The following HYDIN variants were observed in gnomAD, a reference collection of about 807,000 sequenced individuals.
The protein encoded by HYDIN is HYDIN axonemal central pair apparatus protein, also known as axonemal central pair apparatus protein HYDIN.
In HYDIN, 132 loss-of-function variants were observed where a neutral mutation model predicts 403.9. That is an observed-to-expected ratio of 0.33 (90% CI 0.28 to 0.38). The LOEUF is 0.38. Ranked by LOEUF, HYDIN falls within the 10% of genes least tolerant of loss-of-function variation. The probability of loss-of-function intolerance (pLI) is 1.00; values close to 1 mark genes in which losing one functional copy is unlikely to be tolerated. For synonymous variants in HYDIN, 1,202 were observed against 1,891.7 expected, an observed-to-expected ratio of 0.64 and a Z score of 9.46; for missense variants, 2,827 against 5,009.5, an observed-to-expected ratio of 0.56 and a Z score of 13.15.
At chr16:71,064,626 C>A (rs2082194150) in intron 16 of HYDIN, 79 bp downstream of exon 16, 1 of 1,333,478 alleles carries the variant, frequency 7.5e-7, no homozygotes, top group South Asian at 1.4e-5. Context: ...GAATGTGGCA[C>A]TTCAGAGGGA....
chr16:71,066,130 T>C (rs938146302), intron 15 of HYDIN, among the ~76,000 whole-genome samples: 7 of 152,126 alleles, frequency 4.6e-5, no homozygotes, highest in African/African-American at 1.7e-4. Context: ...TTTTTTAATT[T>C]AGAATTTCCT....
chr16:70,878,753 T>C (rs1345300594), intron 62 of HYDIN, among the ~76,000 whole-genome samples: 1 of 141,804 alleles, frequency 7.1e-6, no homozygotes, highest in East Asian at 2.0e-4. Context: ...GAAACCCAAC[T>C]CCTACAATGA....
Position 70,845,823 on chromosome 16 carries a change from T to G in HYDIN, c.12873+3903A>C, listed in dbSNP as rs868852586. Among the ~76,000 whole-genome samples the G allele has an allele frequency of 2.3e-4, 32 of 136,398 alleles. 2 individuals carry two copies. Among genetic ancestry groups the G allele is most frequent in the Middle Eastern group, 3.7e-3 (1 of 270 alleles). 89.5% of individuals were successfully genotyped at this position (136,398 alleles called of 152,430 possible). On this transcript the variant is annotated intron_variant, in intron 75 of 85. Coordinates refer to ENST00000393567, the MANE Select transcript of HYDIN (RefSeq NM_001270974.2). ...ATTTCTTCTAGATTTTCTAGTTTAT[T>G]TGCGTAGAGGTGTTTGTAGTATTCT...
chr16:71,062,409 T>A (rs1415790571), intron 16 of HYDIN, 76 bp from the exon 17 acceptor site: 2 of 1,253,128 alleles, frequency 1.6e-6, no homozygotes, highest in Non-Finnish European at 2.2e-6. Flanking sequence ...TTTGAAGTGT[T>A]TTCCTGAGTC....
At chr16:70,932,071 T>C (rs1477112284) in intron 45 of HYDIN, among the ~76,000 whole-genome samples, 1 of 134,848 alleles carries the variant, frequency 7.4e-6, no homozygotes, top group Non-Finnish European at 1.6e-5. Context: ...AAAAAAGTGA[T>C]TGGCCAGGCG....
chr16:71,041,347 A>T (rs2081280606), intron 18 of HYDIN, among the ~76,000 whole-genome samples: 1 of 151,210 alleles, frequency 6.6e-6, no homozygotes, highest in East Asian at 1.9e-4. Context: ...TTTTAGTTAC[A>T]TACATGTCAT....
chr16:70,995,141 G>A (rs1001959669), intron 23 of HYDIN, among the ~76,000 whole-genome samples: 3 of 152,164 alleles, frequency 2.0e-5, no homozygotes, highest in Non-Finnish European at 4.4e-5. Flanking sequence ...AACATTTACT[G>A]TAATGAGGAC....
chr16:70,804,425 T>G lies in HYDIN; in HGVS notation c.*3155A>C, dbSNP rs886393371. Reference sequence around the variant, plus strand: ...TCAAATCCATCTCCCGGAAGAGTTCTGGACTGGGGTTTTTAAGGGGATCCT... The same window carrying G: ...TCAAATCCATCTCCCGGAAGAGTTCGGGACTGGGGTTTTTAAGGGGATCCT... On this transcript the variant is annotated 3_prime_UTR_variant, in exon 86 of 86. Transcript: ENST00000393567. Among the ~76,000 whole-genome samples the G allele has an allele frequency of 6.6e-6, 1 of 152,182 alleles. No individual in the cohort carries two copies. Among genetic ancestry groups the G allele is most frequent in the Non-Finnish European group, 1.5e-5 (1 of 68,038 alleles).
chr16:70,915,726 GT>G (rs1363565695), intron 47 of HYDIN, among the ~76,000 whole-genome samples: 1 of 138,298 alleles, frequency 7.2e-6, no homozygotes, highest in African/African-American at 2.6e-5. Context: ...TGCCCTTTGT[GT>G]TCAGGTACCA....
chr16:71,224,914 T>C (rs1319888155), intron 1 of HYDIN, among the ~76,000 whole-genome samples: 1 of 152,178 alleles, frequency 6.6e-6, no homozygotes, highest in Non-Finnish European at 1.5e-5. Context: ...AGAAGGGAAA[T>C]GGCCTCTCAT....
In HYDIN at chr16:70,974,010, C is replaced by T; in HGVS notation, c.5048G>A (p.Gly1683Glu). ...TTGGAGACAGATGTGAACTGTTGGC[C>T]CTCCAACCACCTAGAGAGGGTATAA... ...EVILPIKVVG[G>E]PTVHICLQAK... The change falls in exon 34 of 86, where the codon GGG (glycine) becomes GAG (glutamate). Residue 1683 changes from glycine to glutamate, a missense_variant. Gly to Glu is a moderately conservative substitution (Grantham distance 98, BLOSUM62 -2). Transcript: ENST00000393567. The T allele has an allele frequency of 1.3e-6, 1 of 755,928 alleles. No homozygotes were observed. The highest frequency in any genetic ancestry group is 2.1e-6 in the Non-Finnish European group (1 of 486,806). 46.8% of individuals were successfully genotyped at this position (755,928 alleles called of 1,614,324 possible). A position where few individuals can be genotyped will look rare whatever the true frequency, so the allele number is the denominator to read the frequency against.
chr16:70,996,187 C>G (rs1308708062), intron 23 of HYDIN, among the ~76,000 whole-genome samples: 1 of 152,158 alleles, frequency 6.6e-6, no homozygotes, highest in African/African-American at 2.4e-5. Context: ...CCCTAGTTTT[C>G]TTCTGGCCCT....
intron 81 of HYDIN, among the ~76,000 whole-genome samples, chr16:70,829,218 C>T (rs2036796427): frequency 3.3e-5 from 4 of 120,420 alleles, no homozygotes; most frequent in African/African-American, 1.1e-4. Context: ...CTCTCAGCTT[C>T]CAAAGTGTTT....
At chr16:71,044,934 G>A (rs1433649765) in intron 18 of HYDIN, among the ~76,000 whole-genome samples, 2 of 150,208 alleles carry the variant, frequency 1.3e-5, no homozygotes, top group African/African-American at 4.9e-5. Context: ...AAAGCTGTTG[G>A]GGGAACTAGA....
At chr16:71,141,500 G>T (rs1333399921) in intron 7 of HYDIN, among the ~76,000 whole-genome samples, 2 of 151,864 alleles carry the variant, frequency 1.3e-5, no homozygotes, top group African/African-American at 2.4e-5. Flanking sequence ...TCATTCAAAA[G>T]AAATAAATAC....
In HYDIN at chr16:70,810,098, G is replaced by C. The variant is rs144627764; in HGVS notation, c.14659-91C>G. 29 of 1,216,308 alleles carry C rather than the reference G, an allele frequency of 2.4e-5. No individual in the cohort carries two copies. The African/African-American group carries it at 3.3e-4, about 14-fold the overall frequency. The allele number at this position is 1,216,308 out of a possible 1,614,324, so 75.3% of individuals were successfully genotyped here. A position where few individuals can be genotyped will look rare whatever the true frequency, so the allele number is the denominator to read the frequency against. ...CTGCCCAAGGCTCCATAGCAGGTTG[G>C]GGGCAGAAATAGTGCACATGATCAT... On this transcript the variant is annotated intron_variant, in intron 84 of 85. Transcript: ENST00000393567.
chr16:71,214,989 T>C (rs1043525054), intron 1 of HYDIN, among the ~76,000 whole-genome samples: 3 of 152,160 alleles, frequency 2.0e-5, no homozygotes, highest in Non-Finnish European at 2.9e-5. Context: ...TCAACACTTA[T>C]TATAAAGCCA....
chr16:70,986,348 G>T (rs1330817424), intron 27 of HYDIN, among the ~76,000 whole-genome samples: 1 of 151,876 alleles, frequency 6.6e-6, no homozygotes, highest in Non-Finnish European at 1.5e-5. Context: ...CTTAGGAAAA[G>T]CTAGGGTGAG....
At chr16:71,072,944 AG>A (rs2082514406) in intron 13 of HYDIN, among the ~76,000 whole-genome samples, 1 of 151,846 alleles carries the variant, frequency 6.6e-6, no homozygotes, top group Admixed American at 6.6e-5. Context: ...CTGACCTTGC[AG>A]TTAAATTATG....
Sources: gnomAD v4.1 joint callset for allele counts (sites outside exome capture counted in the v4.1 genomes callset) on GRCh38, gnomAD v4.1.1 for gene constraint, MANE v1.5 for transcripts, NCBI Gene and HGNC (gene_info 2026-07-23, HGNC 2026-07-21) for gene names.